The following HTR2A variants were observed in gnomAD, a reference collection of about 807,000 sequenced individuals.
HTR2A encodes 5-hydroxytryptamine receptor 2A, also known as 5-HT2 receptor.
HTR2A carries 14 observed loss-of-function variants against 31.0 expected under a neutral mutation model. That is an observed-to-expected ratio of 0.45 (90% CI 0.30 to 0.71). The LOEUF (loss-of-function observed/expected upper bound fraction) is 0.71, where lower values mean the gene tolerates loss of function less well. HTR2A is among the 30% of genes least tolerant of loss of function. HTR2A has a pLI of 0.09. For missense variants in HTR2A, 442 were observed against 573.3 expected (o/e 0.77, Z 2.34); for synonymous variants, 209 against 225.2 (o/e 0.93, Z 0.64).
At chr13:46,881,868 T>C (rs1437601151) in intron 3 of HTR2A, among the ~76,000 whole-genome samples, 1 of 152,198 alleles carries the variant, frequency 6.6e-6, no homozygotes, top group Non-Finnish European at 1.5e-5. Context: ...TTGAGTCTGG[T>C]TTACTCAGTT....
chr13:46,864,866 C>G (rs1950807462), intron 3 of HTR2A, among the ~76,000 whole-genome samples: 1 of 152,144 alleles, frequency 6.6e-6, no homozygotes, highest in Non-Finnish European at 1.5e-5. Context: ...AGTGGATTCC[C>G]TCTATGTGTA....
intron 3 of HTR2A, among the ~76,000 whole-genome samples, chr13:46,866,567 A>G (rs1409848793): frequency 6.6e-6 from 1 of 152,178 alleles, no homozygotes; most frequent in Non-Finnish European, 1.5e-5. Context: ...TTTGAAACTT[A>G]CTTTTCTCAT....
intron 3 of HTR2A, among the ~76,000 whole-genome samples, chr13:46,847,205 A>G (rs1476981289): frequency 6.6e-6 from 1 of 152,218 alleles, no homozygotes; most frequent in Admixed American, 6.5e-5. Context: ...AGCTGCTGTA[A>G]TTGGGGCAGT....
At chr13:46,843,471 A>G (rs1308541847) in intron 3 of HTR2A, among the ~76,000 whole-genome samples, 1 of 152,132 alleles carries the variant, frequency 6.6e-6, no homozygotes, top group Non-Finnish European at 1.5e-5. Context: ...AGGGTTGACT[A>G]TTAACCTAAG....
In HTR2A at chr13:46,879,263, C is replaced by T. The variant is rs536282467; in HGVS notation, c.613+13127G>A. On this transcript the variant is annotated intron_variant, in intron 3 of 3. Transcript: ENST00000542664. ...CAGAGAGGGATGAAGGATAACTTCA[C>T]TTTGTATTCTCTATAGTCCTGAGCT... Among the ~76,000 whole-genome samples, 7 of 152,286 alleles carry T rather than the reference C, an allele frequency of 4.6e-5. No homozygotes were observed. The East Asian group carries it at 1.2e-3, about 25-fold the overall frequency.
chr13:46,866,277 G>A (rs1950817596), intron 3 of HTR2A, among the ~76,000 whole-genome samples: 1 of 152,236 alleles, frequency 6.6e-6, no homozygotes, highest in Non-Finnish European at 1.5e-5. Context: ...CTTCCTGATA[G>A]GCTTACCGAG....
Position 46,835,476 on chromosome 13 carries a change from C to T in HTR2A, c.777G>A (p.Lys259=), listed in dbSNP as rs1196678841. Residue 259 remains lysine (K), a synonymous_variant, in exon 4 of 4, where the codon AAG becomes AAA. Transcript: ENST00000542664. ...ACAAAGTAGCTTCTTTCTGGAGTGACTTGATAGTTAGAAAGTAGGTGATCA... is the reference window on the plus strand; with the variant it reads ...ACAAAGTAGCTTCTTTCTGGAGTGATTTGATAGTTAGAAAGTAGGTGATCA... The part of the protein sequence containing the change: ...IMVITYFLTI[K]SLQKEATLCV... 6 of 1,613,842 alleles carry T rather than the reference C, an allele frequency of 3.7e-6. No individual in the cohort carries two copies. Among genetic ancestry groups the T allele is most frequent in the Non-Finnish European group, 5.1e-6 (6 of 1,179,986 alleles).
In HTR2A at chr13:46,895,491, T is replaced by C. The variant is rs1465680318; in HGVS notation, c.412+4A>G. 1 of 1,611,762 alleles carries C rather than the reference T, an allele frequency of 6.2e-7. No homozygotes were observed. Among genetic ancestry groups the C allele is most frequent in the Non-Finnish European group, 8.5e-7 (1 of 1,178,348 alleles). On this transcript the variant is annotated splice_donor_region_variant and intron_variant, in intron 2 of 3. Coordinates refer to ENST00000542664, the MANE Select transcript of HTR2A (RefSeq NM_000621.5). This position sits in a 1 kb window ranked among gnomAD's most constrained non-coding sequence, Gnocchi z 4.4. ...AATATAGCTGGGAAACTAATGCCACTCACCATACAGGATGGTTAACATGGA... is the reference window on the plus strand; with the variant it reads ...AATATAGCTGGGAAACTAATGCCACCCACCATACAGGATGGTTAACATGGA...
chr13:46,896,461 C>T (rs1174106722), intron 1 of HTR2A, among the ~76,000 whole-genome samples: 2 of 152,164 alleles, frequency 1.3e-5, no homozygotes, highest in African/African-American at 4.8e-5. Context: ...CTCAGCCATT[C>T]TTAAGCTGAA....
At chr13:46,845,948 G>A (rs766648403) in intron 3 of HTR2A, among the ~76,000 whole-genome samples, 1 of 152,142 alleles carries the variant, frequency 6.6e-6, no homozygotes, top group Non-Finnish European at 1.5e-5. Flanking sequence ...TACCTTTTCT[G>A]ATATGTTTAA....
chr13:46,835,870 A>G (rs1300561186), intron 3 of HTR2A, among the ~76,000 whole-genome samples: 4 of 152,292 alleles, frequency 2.6e-5, no homozygotes, highest in East Asian at 3.9e-4. Flanking sequence ...ATAAAGAAGT[A>G]TAATAAATCT....
chr13:46,877,065 T>C (rs1950919469), intron 3 of HTR2A, among the ~76,000 whole-genome samples: 1 of 152,190 alleles, frequency 6.6e-6, no homozygotes, highest in South Asian at 2.1e-4. Flanking sequence ...TACAAGTTGA[T>C]GCCTAGACTG....
At chr13:46,839,667 TCAAAA>T (rs1950583962) in intron 3 of HTR2A, among the ~76,000 whole-genome samples, 1 of 152,190 alleles carries the variant, frequency 6.6e-6, no homozygotes, top group South Asian at 2.1e-4. Context: ...AAAACAGCAG[TCAAAA>T]TTCACTATCA....
At chr13:46,894,462 G>C (rs1951084827) in intron 2 of HTR2A, among the ~76,000 whole-genome samples, 1 of 152,234 alleles carries the variant, frequency 6.6e-6, no homozygotes, top group African/African-American at 2.4e-5. Flanking sequence ...GTGAAGGCTG[G>C]ACTTGGAATG....
Position 46,896,030 on chromosome 13 carries a change from CG to C in HTR2A, c.-125del. On this transcript the variant is annotated 5_prime_UTR_variant, in exon 2 of 4. It removes the in-frame stop codon of an upstream open reading frame in the 5' UTR. Transcript: ENST00000542664. ...GAGGCTGGTGTACATGCTGTTCTCC[CG>C]GGGCTGGATTTTTGTCTTCCATTAT... The C allele has an allele frequency of 7.0e-7, 1 of 1,427,582 alleles. No homozygotes were observed. Among genetic ancestry groups the C allele is most frequent in the East Asian group, 2.5e-5 (1 of 40,184 alleles). 88.4% of individuals were successfully genotyped at this position (1,427,582 alleles called of 1,614,324 possible). A position where few individuals can be genotyped will look rare whatever the true frequency, so the allele number is the denominator to read the frequency against.
intron 3 of HTR2A, among the ~76,000 whole-genome samples, chr13:46,881,127 A>G (rs1471656629): frequency 6.6e-6 from 1 of 152,176 alleles, no homozygotes; most frequent in African/African-American, 2.4e-5. Context: ...GGTTTTCGTG[A>G]TATTTTACCG....
chr13:46,855,739 A>G (rs1950731110), intron 3 of HTR2A, among the ~76,000 whole-genome samples: 1 of 152,324 alleles, frequency 6.6e-6, no homozygotes, highest in South Asian at 2.1e-4. Flanking sequence ...ATTCAATCTC[A>G]AAATTAATAT....
Position 46,896,668 on chromosome 13 carries a change from A to G in HTR2A, c.-329+6T>C. 4.0e-6 allele frequency: 6 copies of G among 1,518,388 alleles called. No individual in the cohort carries two copies. Among genetic ancestry groups the G allele is most frequent in the Non-Finnish European group, 5.3e-6 (6 of 1,136,962 alleles). The allele number at this position is 1,518,388 out of a possible 1,614,324, so 94.1% of individuals were successfully genotyped here. On this transcript the variant is annotated splice_donor_region_variant and intron_variant, in intron 1 of 3. Transcript: ENST00000542664. Reference sequence around the variant, plus strand: ...AGCAATAAAATATAGCGGCATGAGAACTTACATTTGTCTTCAGGGTCCACA... The same window carrying G: ...AGCAATAAAATATAGCGGCATGAGAGCTTACATTTGTCTTCAGGGTCCACA...
chr13:46,858,899 G>T (rs1950759449), intron 3 of HTR2A, among the ~76,000 whole-genome samples: 1 of 152,140 alleles, frequency 6.6e-6, no homozygotes, highest in Non-Finnish European at 1.5e-5. Flanking sequence ...CAGGGCAGAT[G>T]CGCCATAAAC....
Sources: allele counts gnomAD v4.1 joint callset (sites outside exome capture counted in the v4.1 genomes callset), GRCh38; gene constraint gnomAD v4.1.1; non-coding constraint Gnocchi (gnomAD v3.1); transcripts MANE v1.5; gene names NCBI Gene and HGNC (gene_info 2026-07-23, HGNC 2026-07-21).